Variants in TNR observed in about 807,000 individuals in gnomAD.
TNR encodes the protein tenascin R, also known as tenascin-R.
In TNR, 45 loss-of-function variants were observed where a neutral mutation model predicts 150.4. The observed-to-expected ratio is 0.30, with a 90% CI of 0.24 to 0.38. The LOEUF (loss-of-function observed/expected upper bound fraction) is 0.38. Among genes scored for constraint, TNR ranks in the 10% least tolerant of loss-of-function variants. The probability of loss-of-function intolerance (pLI) is 1.00; values close to 1 mark genes in which losing one functional copy is unlikely to be tolerated. For missense variants in TNR, 1,544 were observed against 1,759.1 expected (o/e 0.88, Z 2.19); for synonymous variants, 687 against 678.4 (o/e 1.01, Z -0.20).
At chr1:175,387,263 A>G (rs750321182) in intron 7 of TNR, among the ~76,000 whole-genome samples, 1 of 152,234 alleles carries the variant, frequency 6.6e-6, no homozygotes, top group African/African-American at 2.4e-5. Flanking sequence ...TGCATGGCCA[A>G]CATGCTCTTG....
rs757551606 is a variant in TNR at position 175,356,484 on chromosome 1, T to C, written c.2975-22A>G. On this transcript the variant is annotated intron_variant, in intron 15 of 22. Transcript: ENST00000367674. ...GCGACTGAACTCAAATGAATATGAA[T>C]AAGGGTTGAATAAGGCTACTCAGTT... The C allele has an allele frequency of 6.8e-6, 11 of 1,613,178 alleles. No homozygotes were observed. In the Admixed American group the frequency reaches 1.0e-4, roughly 15 times the overall value.
intron 1 of TNR, among the ~76,000 whole-genome samples, chr1:175,700,304 T>C (rs1205563169): frequency 3.9e-5 from 6 of 152,240 alleles, no homozygotes; most frequent in Admixed American, 1.3e-4. Flanking sequence ...CTTGGCCCCA[T>C]GGTCAATTAT....
At chr1:175,338,648 G>A (rs1350095084) in intron 18 of TNR, among the ~76,000 whole-genome samples, 1 of 152,152 alleles carries the variant, frequency 6.6e-6, no homozygotes, top group African/African-American at 2.4e-5. Flanking sequence ...AGAGAGGCTG[G>A]GGAGGGACCG....
At chr1:175,608,508 A>G (rs1220479378) in intron 1 of TNR, among the ~76,000 whole-genome samples, 3 of 152,234 alleles carry the variant, frequency 2.0e-5, no homozygotes, top group Non-Finnish European at 4.4e-5. Flanking sequence ...CTTTGAAAGC[A>G]TAAGATATAA....
intron 2 of TNR, among the ~76,000 whole-genome samples, chr1:175,472,416 A>G (rs1657337497): frequency 6.6e-6 from 1 of 152,226 alleles, no homozygotes; most frequent in African/African-American, 2.4e-5. Flanking sequence ...GTAAATATAT[A>G]AAATAGTAAC....
chr1:175,504,484 C>T (rs1658870358), intron 2 of TNR, among the ~76,000 whole-genome samples: 1 of 152,178 alleles, frequency 6.6e-6, no homozygotes, highest in Non-Finnish European at 1.5e-5. Flanking sequence ...AAACTCCGTC[C>T]TTCACCCTCA....
In TNR at chr1:175,323,019, A is replaced by C; in HGVS notation, c.*338T>G. On this transcript the variant is annotated 3_prime_UTR_variant, in exon 23 of 23. Transcript: ENST00000367674. ...GCAGAGGACATCTCAGAAGAAGGGT[A>C]GAAAAATGTGTGTGCCTGTCACCAT... 1 of 180,152 alleles carries C rather than the reference A, an allele frequency of 5.6e-6. No individual in the cohort carries two copies. The highest frequency in any genetic ancestry group is 1.2e-5 in the Non-Finnish European group (1 of 86,338). The allele number at this position is 180,152 out of a possible 1,614,324, so 11.2% of individuals were successfully genotyped here. A position where few individuals can be genotyped will look rare whatever the true frequency, so the allele number is the denominator to read the frequency against.
intron 2 of TNR, among the ~76,000 whole-genome samples, chr1:175,436,315 T>C (rs1164645076): frequency 6.6e-6 from 1 of 152,256 alleles, no homozygotes; most frequent in Non-Finnish European, 1.5e-5. Context: ...AGTCCCATAT[T>C]TCTTGGAGGC....
At chr1:175,707,358 A>G (rs879402825) in intron 1 of TNR, among the ~76,000 whole-genome samples, 6 of 152,192 alleles carry the variant, frequency 3.9e-5, no homozygotes, top group South Asian at 2.1e-4. Context: ...TGCTGCTGGT[A>G]TTACTACAAA....
intron 1 of TNR, among the ~76,000 whole-genome samples, chr1:175,643,980 A>G (rs1341325839): frequency 6.6e-6 from 1 of 152,240 alleles, no homozygotes. Flanking sequence ...CATTTCACAG[A>G]TGCATGGTAA....
At chr1:175,514,590 T>C (rs919497138) in intron 2 of TNR, among the ~76,000 whole-genome samples, 6 of 152,186 alleles carry the variant, frequency 3.9e-5, no homozygotes, top group Non-Finnish European at 7.3e-5. Context: ...TGAGAAGTTT[T>C]TGTGTAGGGA....
At chr1:175,721,843 T>TC (rs1553256908) in intron 1 of TNR, among the ~76,000 whole-genome samples, 3 of 76,070 alleles carry the variant, frequency 3.9e-5, no homozygotes, top group Non-Finnish European at 5.3e-5. Context: ...ACCAGCGCCC[T>TC]CCCCCCACCC....
At chr1:175,394,262 C>A (rs929031588) in intron 5 of TNR, among the ~76,000 whole-genome samples, 1 of 152,130 alleles carries the variant, frequency 6.6e-6, no homozygotes, top group Non-Finnish European at 1.5e-5. Context: ...AGGACTTGAG[C>A]AGTATCTTTA....
At chr1:175,610,888 C>T (rs942031845) in intron 1 of TNR, among the ~76,000 whole-genome samples, 3 of 152,178 alleles carry the variant, frequency 2.0e-5, no homozygotes, top group African/African-American at 7.2e-5. Flanking sequence ...AGAAAGAATA[C>T]ATTCTGTAGG....
chr1:175,655,812 G>A (rs1183341212), intron 1 of TNR, among the ~76,000 whole-genome samples: 2 of 152,218 alleles, frequency 1.3e-5, no homozygotes, highest in Admixed American at 1.3e-4. Context: ...GAACAGGGAA[G>A]TCAGAGAGAG....
chr1:175,407,673 A>G (rs1391592558), intron 2 of TNR, among the ~76,000 whole-genome samples: 1 of 152,208 alleles, frequency 6.6e-6, no homozygotes, highest in African/African-American at 2.4e-5. Context: ...TTCGTCGGAG[A>G]AGAAGGTCAC....
At chr1:175,361,220 C>T (rs189441585) in intron 14 of TNR, among the ~76,000 whole-genome samples, 21 of 152,284 alleles carry the variant, frequency 1.4e-4, no homozygotes, top group Non-Finnish European at 5.9e-5. Flanking sequence ...TGCATCCATG[C>T]CTGGCTAAAG....
Position 175,327,037 on chromosome 1 carries a change from C to A in TNR, c.3794-2518G>T, listed in dbSNP as rs141418079. ...ATTTATATCCTTTGTCTTAAAAATT[C>A]TTAGATTAATCCTACTCCTTAATGA... On this transcript the variant is annotated intron_variant, in intron 21 of 22. Transcript: ENST00000367674. 1.6e-3 allele frequency among the ~76,000 whole-genome samples: 249 copies of A among 151,898 alleles called. 1 individual carries two copies. The highest frequency in any genetic ancestry group is 5.7e-3 in the African/African-American group (236 of 41,382).
intron 1 of TNR, among the ~76,000 whole-genome samples, chr1:175,721,839 G>GC (rs1667311865): frequency 9.4e-6 from 1 of 106,772 alleles, no homozygotes. Flanking sequence ...ATCCACCAGC[G>GC]CCCTCCCCCC....
Sources: allele counts gnomAD v4.1 joint callset (sites outside exome capture counted in the v4.1 genomes callset), GRCh38; gene constraint gnomAD v4.1.1; transcripts MANE v1.5; gene names NCBI Gene and HGNC (gene_info 2026-07-23, HGNC 2026-07-21).